ACTR6: variants seen among roughly 807,000 people sequenced by gnomAD.
ACTR6 encodes the protein actin related protein 6, also known as actin-related protein 6.
In ACTR6, 50 loss-of-function variants were observed where a neutral mutation model predicts 52.5. The observed-to-expected ratio is 0.95, with a 90% confidence interval of 0.76 to 1.20. The LOEUF (loss-of-function observed/expected upper bound fraction) is 1.20. Among genes scored for constraint, ACTR6 ranks in the 50% most tolerant of loss-of-function variants. The probability of loss-of-function intolerance (pLI) is 0.00; values close to 1 mark genes in which losing one functional copy is unlikely to be tolerated. For synonymous variants in ACTR6, 135 were observed against 147.2 expected (o/e 0.92, Z 0.60); for missense variants, 344 against 472.4 (o/e 0.73, Z 2.52).
intron 4 of ACTR6, among the ~76,000 whole-genome samples, chr12:100,208,233 A>C (rs2096116637): frequency 6.6e-6 from 1 of 151,842 alleles, no homozygotes; most frequent in South Asian, 2.1e-4. Flanking sequence ...CCAGAATACT[A>C]TGTGGCATTT....
At chr12:100,203,663 T>C (rs2153899864) in intron 1 of ACTR6, 1 of 147,242 alleles carries the variant, frequency 6.8e-6, no homozygotes, top group East Asian at 2.0e-4. Flanking sequence ...TTTTTTTTTT[T>C]TTTTTGAGAC....
chr12:100,215,130 C>T (rs754088175), intron 8 of ACTR6, among the ~76,000 whole-genome samples: 6 of 152,140 alleles, frequency 3.9e-5, no homozygotes, highest in Non-Finnish European at 8.8e-5. Flanking sequence ...TCTGACTGAT[C>T]ATTGGAATCT....
chr12:100,222,455 G>A (rs1272943535), intron 10 of ACTR6, among the ~76,000 whole-genome samples: 1 of 151,720 alleles, frequency 6.6e-6, no homozygotes, highest in Non-Finnish European at 1.5e-5. Flanking sequence ...ATGGGATCTT[G>A]CTATGTTGCT....
rs1477012846 is a variant in ACTR6, at chr12:100,218,120, G to A, written c.751-295G>A. Among the ~76,000 whole-genome samples, 1 of 152,112 alleles carries A rather than the reference G, an allele frequency of 6.6e-6. No individual in the cohort carries two copies. Among genetic ancestry groups the A allele is most frequent in the Non-Finnish European group, 1.5e-5 (1 of 68,028 alleles). Reference sequence around the variant, plus strand: ...CTCCCAAAGTGCTGGGATTACAGGTGTGAGCCAGGGCACCTGGCCCTCTTT... The same window carrying A: ...CTCCCAAAGTGCTGGGATTACAGGTATGAGCCAGGGCACCTGGCCCTCTTT... On this transcript the variant is annotated intron_variant, in intron 8 of 10. Coordinates refer to ENST00000188312, the MANE Select transcript of ACTR6 (RefSeq NM_022496.5). The surrounding 1 kb of genome is among the most constrained non-coding windows in gnomAD (Gnocchi z 4.2).
chr12:100,202,314 A>G (rs368270035), intron 1 of ACTR6, among the ~76,000 whole-genome samples: 16 of 152,192 alleles, frequency 1.1e-4, no homozygotes, highest in African/African-American at 3.6e-4. Flanking sequence ...AGGCAGCCAA[A>G]AAATGGGAAG....
intron 8 of ACTR6, among the ~76,000 whole-genome samples, chr12:100,214,869 C>T (rs2096122787): frequency 6.6e-6 from 1 of 152,220 alleles, no homozygotes; most frequent in South Asian, 2.1e-4. Context: ...TAGAGAGAAA[C>T]TGGAAGCCCA....
At chr12:100,216,187 G>A (rs1015905381) in intron 8 of ACTR6, among the ~76,000 whole-genome samples, 2 of 152,180 alleles carry the variant, frequency 1.3e-5, no homozygotes, top group Admixed American at 1.3e-4. Flanking sequence ...ACGGAGTCTC[G>A]TTCTATAGCC....
intron 9 of ACTR6, among the ~76,000 whole-genome samples, chr12:100,219,634 T>G (rs1175821729): frequency 1.3e-5 from 2 of 152,196 alleles, no homozygotes; most frequent in Non-Finnish European, 2.9e-5. Flanking sequence ...AGTCTCAGCC[T>G]ACAGCAAGAA....
In ACTR6 at chr12:100,214,049, A is replaced by G. The variant is rs1592842931; in HGVS notation, c.750+1521A>G. On this transcript the variant is annotated intron_variant, in intron 8 of 10. Coordinates refer to ENST00000188312, the MANE Select transcript of ACTR6 (RefSeq NM_022496.5). ...AGTAGAGAAATCAAGTAGAGCTTATATAAACAGCATGGACAAATCTCAGAA... is the reference window on the plus strand; with the variant it reads ...AGTAGAGAAATCAAGTAGAGCTTATGTAAACAGCATGGACAAATCTCAGAA... Among the ~76,000 whole-genome samples, 4 of 152,382 alleles carry G rather than the reference A, an allele frequency of 2.6e-5. No individual in the cohort carries two copies. The South Asian group carries it at 8.3e-4, about 32-fold the overall frequency.
At chr12:100,222,262 T>G (rs1047969238) in intron 10 of ACTR6, among the ~76,000 whole-genome samples, 2 of 149,176 alleles carry the variant, frequency 1.3e-5, no homozygotes, top group African/African-American at 5.0e-5. Flanking sequence ...TTTGGGTTTT[T>G]TTTTTTTTTT....
intron 6 of ACTR6, among the ~76,000 whole-genome samples, chr12:100,210,639 AACCAGG>A (rs1490865521): frequency 6.6e-6 from 1 of 151,926 alleles, no homozygotes; most frequent in Non-Finnish European, 1.5e-5. Context: ...GAATCATTTG[AACCAGG>A]AGGTGGAGGT....
At chr12:100,219,971 CCTT>C in intron 9 of ACTR6, 34 bp from the exon 10 acceptor site, 1 of 1,604,558 alleles carries the variant, frequency 6.2e-7, no homozygotes, top group Non-Finnish European at 8.5e-7. Flanking sequence ...TTTTCTAATG[CCTT>C]TTTTCCTTTC....
chr12:100,206,692 G>C (rs2096115015), intron 3 of ACTR6, among the ~76,000 whole-genome samples: 1 of 150,540 alleles, frequency 6.6e-6, no homozygotes, highest in Non-Finnish European at 1.5e-5. Context: ...TTTTTTAGGG[G>C]GAGTCTTGCT....
chr12:100,220,571 T>C (rs1053571496), intron 10 of ACTR6, among the ~76,000 whole-genome samples: 6 of 152,216 alleles, frequency 3.9e-5, no homozygotes, highest in African/African-American at 1.4e-4. Flanking sequence ...TGTTTTAGAA[T>C]TTTTTAAATT....
intron 1 of ACTR6, 38 bp downstream of exon 1, chr12:100,200,957 G>C: frequency 6.2e-7 from 1 of 1,613,566 alleles, no homozygotes; most frequent in Non-Finnish European, 8.5e-7. Context: ...AGATATATAC[G>C]CCTAGTGGTT....
In ACTR6 at chr12:100,223,786, C is replaced by A. The variant is rs747049395; in HGVS notation, c.1062C>A (p.Asn354Lys). The part of the protein sequence containing the change: ...DYDVSVVLPE[N>K]PITYAWEGGK... ...GGTTCATTTATACCTTTATTTTCAG[C>A]CCTATTACTTATGCCTGGGAAGGTG... Residue 354 changes from asparagine (N) to lysine (K), a missense_variant and splice_region_variant, in exon 11 of 11, where the codon AAC becomes AAA. By Grantham distance (94) the Asn-to-Lys change is moderately conservative. Transcript: ENST00000188312. 5.3e-5 allele frequency: 85 copies of A among 1,604,160 alleles called. No individual in the cohort carries two copies. The highest frequency in any genetic ancestry group is 7.1e-5 in the Non-Finnish European group (83 of 1,177,090).
chr12:100,205,163 C>A, intron 2 of ACTR6, 106 bp downstream of exon 2: 104 of 511,184 alleles, frequency 2.0e-4, no homozygotes, highest in East Asian at 2.3e-4. Flanking sequence ...TAACTACAAC[C>A]TAATTAAACC....
Position 100,223,798 on chromosome 12 carries a change from T to G in ACTR6, c.1074T>G (p.Tyr358Ter). Residue 358 changes from tyrosine (Y) to a stop codon, truncating the protein, a stop_gained, in exon 11 of 11, where the codon TAT (tyrosine) becomes TAG (stop). Transcript: ENST00000188312. LOFTEE classifies it high-confidence loss of function. Reference sequence around the variant, plus strand: ...CCTTTATTTTCAGCCCTATTACTTATGCCTGGGAAGGTGGAAAATTGATAT... The same window carrying G: ...CCTTTATTTTCAGCCCTATTACTTAGGCCTGGGAAGGTGGAAAATTGATAT... ...SVVLPENPIT[Y>*]AWEGGKLISE... 1.2e-6 allele frequency: 2 copies of G among 1,608,212 alleles called. No individual in the cohort carries two copies. Among genetic ancestry groups the G allele is most frequent in the Non-Finnish European group, 1.7e-6 (2 of 1,178,354 alleles).
At chr12:100,211,068 G>C (rs2096119495) in intron 6 of ACTR6, among the ~76,000 whole-genome samples, 1 of 152,072 alleles carries the variant, frequency 6.6e-6, no homozygotes, top group Admixed American at 6.6e-5. Flanking sequence ...TGCCCATGCT[G>C]GTCTCAAACT....
Sources: gnomAD v4.1 joint callset for allele counts (sites outside exome capture counted in the v4.1 genomes callset) on GRCh38, gnomAD v4.1.1 for gene constraint, Gnocchi (gnomAD v3.1) non-coding constraint, MANE v1.5 for transcripts, NCBI Gene and HGNC (gene_info 2026-07-23, HGNC 2026-07-21) for gene names.